SORBS2: variants seen among roughly 807,000 people sequenced by gnomAD.
SORBS2 encodes sorbin and SH3 domain-containing protein 2.
Under a neutral mutation model 97.7 loss-of-function variants are expected in SORBS2, and 46 were observed. The observed-to-expected ratio is 0.47, with a 90% CI of 0.37 to 0.60. The LOEUF (loss-of-function observed/expected upper bound fraction) is 0.60, where lower values mean the gene tolerates loss of function less well. SORBS2 is among the 20% of genes least tolerant of loss of function. SORBS2 has a pLI of 0.00. For missense variants in SORBS2, 1,316 were observed against 1,282.3 expected (o/e 1.03, Z -0.40); for synonymous variants, 476 against 473.4 (o/e 1.01, Z -0.07).
At chr4:185,931,424 G>A (rs1057112757) in intron 1 of SORBS2, among the ~76,000 whole-genome samples, 1 of 152,216 alleles carries the variant, frequency 6.6e-6, no homozygotes, top group Admixed American at 6.5e-5. Context: ...GTTTGTAGTT[G>A]GGAAGAGTGA....
chr4:185,628,844 T>C (rs2096860374), intron 5 of SORBS2, among the ~76,000 whole-genome samples: 1 of 152,226 alleles, frequency 6.6e-6, no homozygotes, highest in African/African-American at 2.4e-5. Flanking sequence ...GTCAATAGTC[T>C]AGAACAGCAG....
chr4:185,719,005 C>G (rs2098488828), intron 2 of SORBS2, among the ~76,000 whole-genome samples: 1 of 152,116 alleles, frequency 6.6e-6, no homozygotes, highest in African/African-American at 2.4e-5. Flanking sequence ...GAGTCACACT[C>G]TCTACAAGTG....
At chr4:185,937,184 T>C (rs955226707) in intron 1 of SORBS2, among the ~76,000 whole-genome samples, 2 of 151,982 alleles carry the variant, frequency 1.3e-5, no homozygotes, top group African/African-American at 4.8e-5. Flanking sequence ...AGTGAGTGAG[T>C]GAGTGAGTGA....
intron 1 of SORBS2, among the ~76,000 whole-genome samples, chr4:185,905,192 TC>T (rs1485170709): frequency 6.6e-6 from 1 of 152,022 alleles, no homozygotes; most frequent in African/African-American, 2.4e-5. Context: ...GGAGCAGGCT[TC>T]CCCAAGCTGG....
rs946349544 is a variant in SORBS2, at chr4:185,607,562, A to C, written c.2796+4218T>G. Among the ~76,000 whole-genome samples the C allele has an allele frequency of 6.0e-4, 92 of 152,198 alleles. No individual in the cohort carries two copies. Among genetic ancestry groups the C allele is most frequent in the African/African-American group, 2.1e-3 (86 of 41,462 alleles). On this transcript the variant is annotated intron_variant, in intron 12 of 14. Transcript: ENST00000418609. The surrounding 1 kb of genome is among the most constrained non-coding windows in gnomAD (Gnocchi z 5.2). ...TAAATACATAAAATCATTTATGTTA[A>C]TTAGAAAAGTTACTTCACAAATGAA...
chr4:185,786,812 A>G (rs560787460), intron 1 of SORBS2, among the ~76,000 whole-genome samples: 302 of 152,084 alleles, frequency 2.0e-3, no homozygotes, highest in Non-Finnish European at 3.8e-3. Flanking sequence ...AAATACAAAA[A>G]CTAGCCGTGT....
At chr4:185,879,431 C>T (rs370097883) in intron 1 of SORBS2, among the ~76,000 whole-genome samples, 5 of 151,618 alleles carry the variant, frequency 3.3e-5, no homozygotes, top group Admixed American at 6.6e-5. Context: ...GATGGACATT[C>T]GGGTTGGTTC....
intron 2 of SORBS2, among the ~76,000 whole-genome samples, chr4:185,770,373 T>A (rs1239403267): frequency 6.6e-6 from 1 of 152,232 alleles, no homozygotes; most frequent in Non-Finnish European, 1.5e-5. Flanking sequence ...CACTGTGGCA[T>A]CTGTATGCAC....
At chr4:185,779,805 AG>A (rs1439653271) in intron 1 of SORBS2, among the ~76,000 whole-genome samples, 1 of 152,140 alleles carries the variant, frequency 6.6e-6, no homozygotes, top group Non-Finnish European at 1.5e-5. Context: ...TCATTCTCTT[AG>A]TCAAATATTT....
At chr4:185,703,433 G>A (rs530478111) in intron 2 of SORBS2, among the ~76,000 whole-genome samples, 17 of 151,978 alleles carry the variant, frequency 1.1e-4, no homozygotes, top group East Asian at 3.9e-4. Flanking sequence ...CAAATATTAC[G>A]TTTTTGCATA....
intron 2 of SORBS2, among the ~76,000 whole-genome samples, chr4:185,714,487 A>G (rs12649216): frequency 0.79 from 119,677 of 151,802 alleles, 48,153 homozygotes; most frequent in Non-Finnish European, 0.89. Context: ...CAGAAAACCT[A>G]TAACCTAAAA....
Position 185,605,430 on chromosome 4 carries a change from C to G in SORBS2, c.2796+6350G>C, listed in dbSNP as rs115865751. On this transcript the variant is annotated intron_variant, in intron 12 of 14. Transcript: ENST00000418609. ...CCCGAGTAGCTGGGATTACAGGCAC[C>G]CAACACCATGTCTGACTAATTTTTG... Among the ~76,000 whole-genome samples the G allele has an allele frequency of 4.9e-3, 744 of 152,084 alleles. 4 individuals are homozygous for G. Among genetic ancestry groups the G allele is most frequent in the Non-Finnish European group, 9.0e-3 (613 of 67,994 alleles).
chr4:185,612,530 C>T (rs1442766095), intron 11 of SORBS2, among the ~76,000 whole-genome samples: 1 of 149,932 alleles, frequency 6.7e-6, no homozygotes, highest in African/African-American at 2.5e-5. Flanking sequence ...CACTCTGTCA[C>T]CCGGGCTGGA....
At chr4:185,657,854 G>T (rs1034207590), upstream of SORBS2, among the ~76,000 whole-genome samples, 1 of 152,290 alleles carries the variant, frequency 6.6e-6, no homozygotes. Context: ...CTGTGTGGAG[G>T]CCTCTGAGTT....
At chr4:185,947,420 T>A (rs2099275046) in intron 1 of SORBS2, among the ~76,000 whole-genome samples, 1 of 152,186 alleles carries the variant, frequency 6.6e-6, no homozygotes, top group South Asian at 2.1e-4. Context: ...ATTCACTTTT[T>A]TTTCTAGCCC....
At chr4:185,693,241 T>G (rs147411576) in intron 2 of SORBS2, among the ~76,000 whole-genome samples, 128 of 152,348 alleles carry the variant, frequency 8.4e-4, no homozygotes, top group Non-Finnish European at 1.5e-3. Flanking sequence ...ATTTCTGTTT[T>G]ACTTTTTTGT....
At chr4:185,620,333 G>A (rs1045883775) in intron 7 of SORBS2, among the ~76,000 whole-genome samples, 182 bp from the exon 20 acceptor site, 1 of 152,124 alleles carries the variant, frequency 6.6e-6, no homozygotes, top group Non-Finnish European at 1.5e-5. Flanking sequence ...CAAAACAAGA[G>A]CATTTCAAAA....
At chr4:185,631,907 T>C (rs967525583) in intron 4 of SORBS2, among the ~76,000 whole-genome samples, 2 of 152,212 alleles carry the variant, frequency 1.3e-5, no homozygotes, top group Non-Finnish European at 2.9e-5. Context: ...CAGATAAAAT[T>C]TGGTTTGATG....
At chr4:185,767,354 G>GCCGGGCAAAAAATTAT (rs1369506890) in intron 2 of SORBS2, among the ~76,000 whole-genome samples, 1 of 141,724 alleles carries the variant, frequency 7.1e-6, no homozygotes, top group Non-Finnish European at 1.6e-5. Context: ...CAAAAAATTA[G>GCCGGGCAAAAAATTAT]CCGGGCGTGG....
Sources: gnomAD v4.1 joint callset for allele counts (sites outside exome capture counted in the v4.1 genomes callset) on GRCh38, gnomAD v4.1.1 for gene constraint, Gnocchi (gnomAD v3.1) non-coding constraint, MANE v1.5 for transcripts, NCBI Gene and HGNC (gene_info 2026-07-23, HGNC 2026-07-21) for gene names.